GNAQ: variants seen among roughly 807,000 people sequenced by gnomAD.
GNAQ encodes G protein subunit alpha q.
A neutral mutation model predicts 43.9 loss-of-function variants in GNAQ; 8 were observed. That is an observed-to-expected ratio of 0.18 (90% CI 0.11 to 0.33). GNAQ has a LOEUF of 0.33. Ranked by LOEUF, GNAQ falls within the 10% of genes least tolerant of loss-of-function variation. The probability of loss-of-function intolerance (pLI) is 1.00; values close to 1 mark genes in which losing one functional copy is unlikely to be tolerated. For missense variants in GNAQ, 158 were observed against 450.8 expected, an observed-to-expected ratio of 0.35 and a Z score of 5.88; for synonymous variants, 155 against 170.7, an observed-to-expected ratio of 0.91 and a Z score of 0.71.
At position 77,835,464 on chromosome 9, in the gene GNAQ, C is replaced by T. The variant is rs12551553; in HGVS notation, c.322-19694G>A. On this transcript the variant is annotated intron_variant, in intron 2 of 6. Transcript: ENST00000286548. ...CTTTAAATCTAACGATTTAAAAATA[C>T]TTGGCTAAGAATATAACTTTCATAG... Among the ~76,000 whole-genome samples, 579 of 152,148 alleles carry T rather than the reference C, an allele frequency of 3.8e-3. 9 individuals are homozygous for T. The highest frequency in any genetic ancestry group is 0.033 in the Admixed American group (502 of 15,272).
chr9:77,920,954 T>C (rs1452488862), intron 2 of GNAQ, among the ~76,000 whole-genome samples: 1 of 152,250 alleles, frequency 6.6e-6, no homozygotes, highest in African/African-American at 2.4e-5. Context: ...GGGTTCACTT[T>C]GTGAGTTAAA....
chr9:77,881,484 T>C (rs547144564), intron 2 of GNAQ, among the ~76,000 whole-genome samples: 1 of 152,300 alleles, frequency 6.6e-6, no homozygotes, highest in South Asian at 2.1e-4. Context: ...GCTTGAGTGA[T>C]CCTCCCACCT....
chr9:77,894,251 T>G (rs1828450397), intron 2 of GNAQ, among the ~76,000 whole-genome samples: 1 of 141,902 alleles, frequency 7.0e-6, no homozygotes, highest in African/African-American at 2.7e-5. Flanking sequence ...TTTAAATGTT[T>G]CATTTAAGTC....
At chr9:77,924,599 G>T (rs1829041794) in intron 1 of GNAQ, among the ~76,000 whole-genome samples, 1 of 152,090 alleles carries the variant, frequency 6.6e-6, no homozygotes. Context: ...AAGCACACTG[G>T]CATGTGTTTA....
intron 3 of GNAQ, among the ~76,000 whole-genome samples, chr9:77,807,955 T>C (rs1826853577): frequency 1.3e-5 from 2 of 152,136 alleles, no homozygotes; most frequent in South Asian, 4.1e-4. Context: ...AAACTTTATT[T>C]ATAAAAATAG....
At chr9:77,859,183 C>T (rs1827805089) in intron 2 of GNAQ, among the ~76,000 whole-genome samples, 1 of 152,154 alleles carries the variant, frequency 6.6e-6, no homozygotes, top group Non-Finnish European at 1.5e-5. Flanking sequence ...CCTTTGAATG[C>T]AAGAACTCTA....
chr9:77,972,225 A>C (rs532628849), intron 1 of GNAQ, among the ~76,000 whole-genome samples: 2 of 152,218 alleles, frequency 1.3e-5, no homozygotes, highest in Non-Finnish European at 2.9e-5. Flanking sequence ...TTCTTTAAAA[A>C]ACCCAAGAGA....
chr9:77,984,286 T>C (rs145862499), intron 1 of GNAQ, among the ~76,000 whole-genome samples: 12,769 of 151,476 alleles, frequency 0.084, 695 homozygotes, highest in African/African-American at 0.15. Flanking sequence ...CCTCCCACCT[T>C]AGCCTCCTGA....
In GNAQ at chr9:77,993,941, GAAAAACCATCTCATA is replaced by G. The variant is rs1429498318; in HGVS notation, c.136+37144_136+37158del. Among the ~76,000 whole-genome samples, 10 of 152,090 alleles carry G rather than the reference GAAAAACCATCTCATA, an allele frequency of 6.6e-5. 1 individual carries two copies. The East Asian group carries it at 1.9e-3, about 29-fold the overall frequency. On this transcript the variant is annotated intron_variant, in intron 1 of 6. Coordinates refer to ENST00000286548, the MANE Select transcript of GNAQ (RefSeq NM_002072.5). ...ATCTAGAGTAAAATCCTTAAGAAAT[GAAAAACCATCTCATA>G]ATTTTCCCTTACTGAAGCTGCTTTG...
intron 1 of GNAQ, among the ~76,000 whole-genome samples, chr9:77,981,023 A>G (rs1291437140): frequency 6.6e-6 from 1 of 152,224 alleles, no homozygotes; most frequent in Non-Finnish European, 1.5e-5. Context: ...AGACTCCCAC[A>G]CACTTACAAA....
At chr9:77,835,121 G>C (rs1827362845) in intron 2 of GNAQ, among the ~76,000 whole-genome samples, 1 of 151,988 alleles carries the variant, frequency 6.6e-6, no homozygotes. Flanking sequence ...TCACACCCTG[G>C]GCAGGGTGAG....
At chr9:77,929,147 C>T (rs1046011572) in intron 1 of GNAQ, among the ~76,000 whole-genome samples, 7 of 152,188 alleles carry the variant, frequency 4.6e-5, no homozygotes, top group Admixed American at 2.0e-4. Flanking sequence ...AAAACTTGTT[C>T]AGCAAGTTAC....
chr9:77,718,468 G>A lies in GNAQ; in HGVS notation c.*2855C>T. 1 of 232,412 alleles carries A rather than the reference G, an allele frequency of 4.3e-6. No homozygotes were observed. Among genetic ancestry groups the A allele is most frequent in the Non-Finnish European group, 8.5e-6 (1 of 117,542 alleles). 14.4% of individuals were successfully genotyped at this position (232,412 alleles called of 1,614,324 possible). A position where few individuals can be genotyped will look rare whatever the true frequency, so the allele number is the denominator to read the frequency against. On this transcript the variant is annotated 3_prime_UTR_variant, in exon 7 of 7. Coordinates refer to ENST00000286548, the MANE Select transcript of GNAQ (RefSeq NM_002072.5). ...TTCCTTTCTCAAGAGAAGGGATCTT[G>A]TCATGCACCCTACAGGAACAGCGAA... is the stretch of plus-strand genomic sequence containing the variant.
intron 5 of GNAQ, among the ~76,000 whole-genome samples, chr9:77,742,816 C>T (rs189274758): frequency 6.6e-5 from 10 of 152,204 alleles, no homozygotes; most frequent in Admixed American, 3.9e-4. Context: ...AAGCAGACAA[C>T]GTTGAAAGAC....
Position 77,797,508 on chromosome 9 carries a change from C to G in GNAQ, c.605+12G>C, listed in dbSNP as rs969519565. 5 of 1,607,790 alleles carry G rather than the reference C, an allele frequency of 3.1e-6. No homozygotes were observed. Among genetic ancestry groups the G allele is most frequent in the African/African-American group, 1.3e-5 (1 of 74,902 alleles). On this transcript the variant is annotated intron_variant, in intron 4 of 6. Transcript: ENST00000286548. The stretch of plus-strand genomic sequence containing the variant: ...AAAGCTGGGAAATAGGTTTCATGGA[C>G]TCAGTTACTACCTGAAAATGACACT...
intron 1 of GNAQ, among the ~76,000 whole-genome samples, chr9:77,993,488 G>A (rs1198347209): frequency 1.3e-5 from 2 of 152,126 alleles, no homozygotes; most frequent in Non-Finnish European, 2.9e-5. Context: ...CACGAGGTCA[G>A]AAGTTCAAGA....
chr9:77,972,484 C>A (rs1219546767), intron 1 of GNAQ, among the ~76,000 whole-genome samples: 2 of 151,964 alleles, frequency 1.3e-5, no homozygotes, highest in Non-Finnish European at 2.9e-5. Flanking sequence ...AGTAAATGGG[C>A]TTCATAAGCC....
intron 1 of GNAQ, among the ~76,000 whole-genome samples, chr9:78,026,283 G>A (rs866668804): frequency 4.6e-5 from 7 of 152,120 alleles, no homozygotes; most frequent in East Asian, 1.9e-4. Flanking sequence ...AGATCCAGAC[G>A]ATGAATCTAC....
chr9:77,991,048 G>C (rs1456299870), intron 1 of GNAQ, among the ~76,000 whole-genome samples: 1 of 152,208 alleles, frequency 6.6e-6, no homozygotes, highest in Non-Finnish European at 1.5e-5. Flanking sequence ...TCCAACTAGA[G>C]AAATTGCTTT....
Sources: allele counts gnomAD v4.1 joint callset (sites outside exome capture counted in the v4.1 genomes callset), GRCh38; gene constraint gnomAD v4.1.1; transcripts MANE v1.5; gene names NCBI Gene and HGNC (gene_info 2026-07-23, HGNC 2026-07-21).